The following AGO3 variants were observed in gnomAD, a reference collection of about 807,000 sequenced individuals.
AGO3 encodes the protein argonaute RISC catalytic component 3.
In AGO3, 16 loss-of-function variants were observed where a neutral mutation model predicts 105.5. The observed-to-expected ratio is 0.15, with a 90% confidence interval of 0.10 to 0.23. The LOEUF (loss-of-function observed/expected upper bound fraction) is 0.23, where lower values mean the gene tolerates loss of function less well. Ranked by LOEUF, AGO3 falls within the 10% of genes least tolerant of loss-of-function variation. The pLI is 1.00. For missense variants in AGO3, 534 were observed against 1,088.0 expected (o/e 0.49, Z 7.16); for synonymous variants, 340 against 367.3 (o/e 0.93, Z 0.85).
intron 2 of AGO3, among the ~76,000 whole-genome samples, chr1:35,962,314 C>T (rs899576634): frequency 5.9e-5 from 9 of 152,056 alleles, no homozygotes; most frequent in South Asian, 2.1e-4. Context: ...GAGGCCAAGG[C>T]GGGTGGATCA....
rs778279355 is a variant in AGO3, at chr1:35,945,678, C to G, written c.20-14C>G. ...TGTAACTGTGACTCTTTTTTTTTCC[C>G]TTTCCCCTGGCAGGACCCGCTGGGG... On this transcript the variant is annotated splice_polypyrimidine_tract_variant and intron_variant, in intron 1 of 18. Transcript: ENST00000373191. The G allele has an allele frequency of 6.3e-7, 1 of 1,593,586 alleles. No homozygotes were observed. The highest frequency in any genetic ancestry group is 8.5e-7 in the Non-Finnish European group (1 of 1,174,192).
intron 5 of AGO3, among the ~76,000 whole-genome samples, chr1:35,995,070 G>T (rs976922084): frequency 4.0e-5 from 6 of 151,596 alleles, no homozygotes; most frequent in African/African-American, 1.5e-4. Context: ...GCATGGTGGC[G>T]TGTGCCTGTG....
At chr1:35,968,746 T>C (rs1191253724) in intron 3 of AGO3, among the ~76,000 whole-genome samples, 1 of 152,208 alleles carries the variant, frequency 6.6e-6, no homozygotes, top group Non-Finnish European at 1.5e-5. Flanking sequence ...TTTGGATATA[T>C]ACCCAGAAGT....
Position 36,013,737 on chromosome 1 carries a change from C to T in AGO3, c.1257C>T (p.Leu419=). 19 of 1,614,020 alleles carry T rather than the reference C, an allele frequency of 1.2e-5. No individual in the cohort carries two copies. Among genetic ancestry groups the T allele is most frequent in the Non-Finnish European group, 1.5e-5 (18 of 1,179,958 alleles). ...VTGRVLPAPM[L]QYGGRNRTVA... is the part of the protein sequence containing the mutation. The stretch of plus-strand genomic sequence containing the variant: ...GACGCGTACTTCCAGCACCTATGCT[C>T]CAGTATGGAGGACGGGTAAAGTCTC... Residue 419 remains leucine, a synonymous_variant, in exon 10 of 19, where the codon CTC becomes CTT. Coordinates refer to ENST00000373191, the MANE Select transcript of AGO3 (RefSeq NM_024852.4).
chr1:36,054,786 G>T (rs1642860396), intron 17 of AGO3, among the ~76,000 whole-genome samples, 160 bp from the exon 18 acceptor site: 3 of 152,162 alleles, frequency 2.0e-5, no homozygotes, highest in African/African-American at 7.2e-5. Context: ...GGAGGCAGAG[G>T]CACTAGAATC....
At chr1:35,980,138 G>A (rs780550793) in intron 5 of AGO3, among the ~76,000 whole-genome samples, 5 of 151,976 alleles carry the variant, frequency 3.3e-5, no homozygotes, top group Non-Finnish European at 7.4e-5. Flanking sequence ...CTGTTTTAAA[G>A]CAGTCTTTTG....
intron 17 of AGO3, among the ~76,000 whole-genome samples, chr1:36,045,458 G>A (rs1642424524): frequency 6.6e-6 from 1 of 152,038 alleles, no homozygotes; most frequent in South Asian, 2.1e-4. Flanking sequence ...CTGACCTCAG[G>A]CAATCCGCCC....
At chr1:36,029,523 T>A (rs1641669244) in intron 12 of AGO3, among the ~76,000 whole-genome samples, 1 of 151,030 alleles carries the variant, frequency 6.6e-6, no homozygotes, top group African/African-American at 2.4e-5. Flanking sequence ...GCCTCCTGAG[T>A]AGCTGGGACT....
At chr1:36,017,776 G>A (rs1198236503) in intron 11 of AGO3, among the ~76,000 whole-genome samples, 1 of 151,824 alleles carries the variant, frequency 6.6e-6, no homozygotes, top group Non-Finnish European at 1.5e-5. Flanking sequence ...AGTGGTGCAC[G>A]CCTGTGGTCC....
chr1:35,982,529 A>G (rs72661641), intron 5 of AGO3: 36,673 of 628,582 alleles, frequency 0.058, 1,319 homozygotes, highest in South Asian at 0.087. Context: ...AAAACAAATC[A>G]ATGAAATAGG....
At chr1:36,041,072 C>CAA (rs35842002) in intron 16 of AGO3, among the ~76,000 whole-genome samples, 348 of 32,828 alleles carry the variant, frequency 0.011, 4 homozygotes, top group African/African-American at 0.029. Flanking sequence ...AACTCCATCT[C>CAA]AAAAAAAAAA....
intron 5 of AGO3, among the ~76,000 whole-genome samples, chr1:35,995,491 A>C (rs769390500): frequency 6.6e-6 from 1 of 152,068 alleles, no homozygotes; most frequent in Non-Finnish European, 1.5e-5. Context: ...GGCCCAACAT[A>C]ATAGAATGCC....
In AGO3 at chr1:35,977,760, A is replaced by T. The variant is rs1275446346; in HGVS notation, c.658+4249A>T. Among the ~76,000 whole-genome samples, 3 of 152,036 alleles carry T rather than the reference A, an allele frequency of 2.0e-5. 1 individual carries two copies. The East Asian group carries it at 5.8e-4, about 29-fold the overall frequency. Reference sequence around the variant, plus strand: ...TCCCAGTCTGTTATTTTGCATATGTATGCTTTGTTCTTTTTACTTTTTTTT... The same window carrying T: ...TCCCAGTCTGTTATTTTGCATATGTTTGCTTTGTTCTTTTTACTTTTTTTT... On this transcript the variant is annotated intron_variant, in intron 5 of 18. Transcript: ENST00000373191.
chr1:36,014,663 C>T (rs995951428), intron 11 of AGO3, among the ~76,000 whole-genome samples: 1 of 148,532 alleles, frequency 6.7e-6, no homozygotes, highest in Non-Finnish European at 1.5e-5. Flanking sequence ...CTCAGTTACT[C>T]GGGAGGCTGA....
intron 5 of AGO3, among the ~76,000 whole-genome samples, chr1:35,978,316 A>G (rs918289021): frequency 2.1e-4 from 32 of 151,964 alleles, no homozygotes; most frequent in African/African-American, 7.3e-4. Flanking sequence ...CAGCCTCCCA[A>G]GTAGCTGGGA....
At chr1:35,990,405 G>C (rs1007957770) in intron 5 of AGO3, among the ~76,000 whole-genome samples, 4 of 152,156 alleles carry the variant, frequency 2.6e-5, no homozygotes, top group African/African-American at 9.7e-5. Context: ...CTACTCGGGA[G>C]GCTGAGGCAG....
intron 2 of AGO3, among the ~76,000 whole-genome samples, chr1:35,961,337 CAGTT>C (rs1156896513): frequency 5.3e-5 from 8 of 152,138 alleles, no homozygotes; most frequent in Non-Finnish European, 1.2e-4. Flanking sequence ...TCTTCCCTGA[CAGTT>C]GGTCATATAG....
intron 17 of AGO3, among the ~76,000 whole-genome samples, chr1:36,045,294 TCACTGCAA>T (rs1642417013): frequency 3.3e-5 from 5 of 152,186 alleles, no homozygotes; most frequent in Admixed American, 3.3e-4. Context: ...TGATCTTGGC[TCACTGCAA>T]CCTCTGTCTC....
intron 11 of AGO3, among the ~76,000 whole-genome samples, chr1:36,017,809 G>A (rs756161308): frequency 3.9e-5 from 6 of 151,944 alleles, no homozygotes; most frequent in Admixed American, 6.6e-5. Context: ...AGGCTGAAGT[G>A]GGAGGATTGC....
Sources: allele counts gnomAD v4.1 joint callset (sites outside exome capture counted in the v4.1 genomes callset), GRCh38; gene constraint gnomAD v4.1.1; transcripts MANE v1.5; gene names NCBI Gene and HGNC (gene_info 2026-07-23, HGNC 2026-07-21).